C10orf67: variants seen among roughly 807,000 people sequenced by gnomAD.
C10orf67 encodes the protein chromosome 10 open reading frame 67.
Under a neutral mutation model 35.6 loss-of-function variants are expected in C10orf67, and 60 were observed. That is an observed-to-expected ratio of 1.68 (90% CI 1.37 to 2.09). The LOEUF (loss-of-function observed/expected upper bound fraction) is 2.09. C10orf67 is among the 30% of genes most tolerant of loss of function. The probability of loss-of-function intolerance (pLI) is 0.00; values close to 1 mark genes in which losing one functional copy is unlikely to be tolerated. For synonymous variants in C10orf67, 167 were observed against 115.8 expected, an observed-to-expected ratio of 1.44 and a Z score of -2.84; for missense variants, 474 against 330.2, an observed-to-expected ratio of 1.44 and a Z score of -3.38.
At chr10:23,291,091 C>G (rs957551122) in intron 6 of C10orf67, 41 bp downstream of exon 6, 1 of 686,224 alleles carries the variant, frequency 1.5e-6, no homozygotes, top group African/African-American at 1.8e-5. Context: ...ACAAAGTGAC[C>G]AATATACAGA....
At position 23,203,493 on chromosome 10, in the gene C10orf67, G is replaced by T. The variant is rs1841074753; in HGVS notation, c.*680C>A. 1.3e-5 allele frequency: 2 copies of T among 152,192 alleles called. No homozygotes were observed. The highest frequency in any genetic ancestry group is 6.5e-5 in the Admixed American group (1 of 15,286). The allele number at this position is 152,192 out of a possible 1,614,324, so 9.4% of individuals were successfully genotyped here. On this transcript the variant is annotated 3_prime_UTR_variant, in exon 16 of 16. Coordinates refer to ENST00000636213, the MANE Select transcript of C10orf67 (RefSeq NM_001371909.1). Reference sequence around the variant, plus strand: ...AACAAGGCCTTACTTGTAGTTAGGGGAATAGAAAGAACCAAGTTGGACATT... The same window carrying T: ...AACAAGGCCTTACTTGTAGTTAGGGTAATAGAAAGAACCAAGTTGGACATT...
intron 1 of C10orf67, among the ~76,000 whole-genome samples, chr10:23,339,687 G>C (rs80132128): frequency 2.6e-5 from 4 of 152,180 alleles, no homozygotes; most frequent in Non-Finnish European, 5.9e-5. Flanking sequence ...CCTCAGACCT[G>C]GAGGTCATAG....
At position 23,214,033 on chromosome 10, in the gene C10orf67, G is replaced by A. The variant is rs190187153; in HGVS notation, c.1570+9565C>T. Among the ~76,000 whole-genome samples the A allele has an allele frequency of 4.6e-3, 698 of 151,180 alleles. 4 individuals carry two copies. Among genetic ancestry groups the A allele is most frequent in the African/African-American group, 0.016 (664 of 41,236 alleles). On this transcript the variant is annotated intron_variant, in intron 15 of 15. Transcript: ENST00000636213. Reference sequence around the variant, plus strand: ...CAATGCAAATACTACTAATATGAAAGCTATTATAATGTTATTGATATAAGA... The same window carrying A: ...CAATGCAAATACTACTAATATGAAAACTATTATAATGTTATTGATATAAGA...
chr10:23,275,073 T>G (rs1286504704), intron 8 of C10orf67, among the ~76,000 whole-genome samples: 1 of 152,170 alleles, frequency 6.6e-6, no homozygotes, highest in Admixed American at 6.5e-5. Context: ...TGATATTAAT[T>G]GCTCCTATAA....
At chr10:23,202,481 T>G (rs2131689197), downstream of C10orf67, 1 of 152,130 alleles carries the variant, frequency 6.6e-6, no homozygotes, top group Middle Eastern at 3.4e-3. Flanking sequence ...TTTTTTTTTT[T>G]TGTAAGACTA....
chr10:23,332,267 C>T (rs1488773121), intron 2 of C10orf67, among the ~76,000 whole-genome samples: 1 of 152,132 alleles, frequency 6.6e-6, no homozygotes, highest in Non-Finnish European at 1.5e-5. Context: ...AGTGTAAAAA[C>T]AAAATCAAGG....
rs183368571 is a variant in C10orf67 at position 23,230,885 on chromosome 10, T to A, written c.1435-7067A>T. Among the ~76,000 whole-genome samples the A allele has an allele frequency of 1.7e-3, 256 of 152,300 alleles. 2 individuals carry two copies. The highest frequency in any genetic ancestry group is 5.8e-3 in the African/African-American group (242 of 41,556). ...CTTTCATCTGTTCCTGGTTAGAGGG[T>A]CAGAGTAATATTACTTTGGAAAACT... is the stretch of plus-strand genomic sequence containing the variant. On this transcript the variant is annotated intron_variant, in intron 13 of 15. Coordinates refer to ENST00000636213, the MANE Select transcript of C10orf67 (RefSeq NM_001371909.1).
intron 10 of C10orf67, among the ~76,000 whole-genome samples, chr10:23,256,624 G>A (rs1032114872): frequency 6.6e-6 from 1 of 151,516 alleles, no homozygotes; most frequent in Non-Finnish European, 1.5e-5. Context: ...TTGGTGAGCG[G>A]GGCAGTCTGA....
chr10:23,210,288 A>C lies in C10orf67; in HGVS notation c.1571-6033T>G, dbSNP rs1392926179. 2.6e-5 allele frequency among the ~76,000 whole-genome samples: 4 copies of C among 152,174 alleles called. No homozygotes were observed. In the East Asian group the frequency reaches 7.7e-4, roughly 29 times the overall value. ...AGAGGAAGCAAAGGAGAGAGTAAGA[A>C]AAGGAGGCATGGGCATGTTTATGGA... On this transcript the variant is annotated intron_variant, in intron 15 of 15. Transcript: ENST00000636213.
At chr10:23,224,896 G>A (rs555710559) in intron 13 of C10orf67, among the ~76,000 whole-genome samples, 1 of 152,300 alleles carries the variant, frequency 6.6e-6, no homozygotes, top group African/African-American at 2.4e-5. Flanking sequence ...TGTCTGATTG[G>A]TGTACCTGAA....
rs142367522 is a variant in C10orf67, at chr10:23,302,939, T to C, written c.702+365A>G. Among the ~76,000 whole-genome samples, 1,071 of 152,342 alleles carry C rather than the reference T, an allele frequency of 7.0e-3. 9 individuals carry two copies. The highest frequency in any genetic ancestry group is 0.027 in the South Asian group (129 of 4,828). On this transcript the variant is annotated intron_variant, in intron 5 of 15. Coordinates refer to ENST00000636213, the MANE Select transcript of C10orf67 (RefSeq NM_001371909.1). ...AGCTCTGGCTTGGAAAGATTAGCTT[T>C]GTGTCTTTCAAACTACTTTGACTGC...
chr10:23,283,286 G>A (rs965303257), intron 7 of C10orf67, among the ~76,000 whole-genome samples: 2 of 152,146 alleles, frequency 1.3e-5, no homozygotes, highest in Admixed American at 6.5e-5. Context: ...TTGTATTTAC[G>A]TTGATCAATT....
chr10:23,291,921 G>A (rs898523656), intron 5 of C10orf67, among the ~76,000 whole-genome samples: 20 of 152,010 alleles, frequency 1.3e-4, no homozygotes, highest in Admixed American at 1.2e-3. Flanking sequence ...CTTGTCACAC[G>A]GGGTCTGTGC....
chr10:23,323,794 C>G (rs1443166463), intron 2 of C10orf67, among the ~76,000 whole-genome samples: 1 of 147,180 alleles, frequency 6.8e-6, no homozygotes, highest in African/African-American at 2.5e-5. Context: ...CCCCTGTAAT[C>G]CCAGCCACTT....
chr10:23,338,464 G>A (rs189074800), intron 1 of C10orf67, among the ~76,000 whole-genome samples: 50 of 152,190 alleles, frequency 3.3e-4, no homozygotes, highest in East Asian at 2.9e-3. Flanking sequence ...CATCCTCACC[G>A]GAACACACAT....
In C10orf67 at chr10:23,292,178, T is replaced by G. The variant is rs1031793176; in HGVS notation, c.703-899A>C. Among the ~76,000 whole-genome samples, 78 of 143,944 alleles carry G rather than the reference T, an allele frequency of 5.4e-4. 1 individual carries two copies. The East Asian group carries it at 5.6e-3, about 10-fold the overall frequency. The allele number at this position is 143,944 out of a possible 152,430, so 94.4% of individuals were successfully genotyped here. ...CTACTCTTTTTTTTTTTTTTTTTTT[T>G]GCCTTCTTCTTCTTGTCTGTTTCAA... is the stretch of plus-strand genomic sequence containing the variant. On this transcript the variant is annotated intron_variant, in intron 5 of 15. Coordinates refer to ENST00000636213, the MANE Select transcript of C10orf67 (RefSeq NM_001371909.1).
At chr10:23,272,581 T>C (rs1843060157) in intron 8 of C10orf67, among the ~76,000 whole-genome samples, 1 of 152,226 alleles carries the variant, frequency 6.6e-6, no homozygotes, top group Non-Finnish European at 1.5e-5. Flanking sequence ...CACTTTACCT[T>C]GACTACTATA....
intron 4 of C10orf67, among the ~76,000 whole-genome samples, chr10:23,311,785 A>C (rs549366144): frequency 4.9e-4 from 74 of 152,222 alleles, no homozygotes; most frequent in African/African-American, 1.8e-3. Flanking sequence ...CTGTTCAAGG[A>C]AAGTGTTTTT....
intron 12 of C10orf67, among the ~76,000 whole-genome samples, chr10:23,247,976 C>T (rs1361670550): frequency 2.0e-5 from 3 of 152,148 alleles, no homozygotes; most frequent in Admixed American, 1.3e-4. Flanking sequence ...ACTATATGAG[C>T]AGAGTGGGCC....
Sources: gnomAD v4.1 joint callset for allele counts (sites outside exome capture counted in the v4.1 genomes callset) on GRCh38, gnomAD v4.1.1 for gene constraint, MANE v1.5 for transcripts, NCBI Gene and HGNC (gene_info 2026-07-23, HGNC 2026-07-21) for gene names.